NXPE2: variants seen among roughly 807,000 people sequenced by gnomAD.
NXPE2 encodes the protein neurexophilin and PC-esterase domain family member 2, also known as NXPE family member 2.
A neutral mutation model predicts 34.4 loss-of-function variants in NXPE2; 34 were observed. The ratio of observed to expected loss-of-function variants is 0.99; its 90% CI spans 0.75 to 1.31. The LOEUF is 1.31. NXPE2 is among the 40% of genes most tolerant of loss of function. The pLI, the probability that NXPE2 is intolerant of heterozygous loss-of-function variation, is 0.00. For missense variants in NXPE2, 649 were observed against 672.5 expected (o/e 0.97, Z 0.39); for synonymous variants, 235 against 231.3 (o/e 1.02, Z -0.15).
the NXPE2 span, among the ~76,000 whole-genome samples, chr11:114,745,146 G>T: frequency 1.3e-5 from 2 of 152,228 alleles, no homozygotes; most frequent in East Asian, 1.9e-4. Context: ...TAAGCTTTAA[G>T]ATCTGTCTTA....
At chr11:114,742,408 A>G in the NXPE2 span, among the ~76,000 whole-genome samples, 5 of 152,068 alleles carry the variant, frequency 3.3e-5, no homozygotes, top group Non-Finnish European at 7.4e-5. Context: ...CACAGATCAC[A>G]TCAGTATGTT....
chr11:114,464,969 A>G, the NXPE2 span, among the ~76,000 whole-genome samples: 1 of 152,210 alleles, frequency 6.6e-6, no homozygotes, highest in Non-Finnish European at 1.5e-5. Flanking sequence ...ATTATTAATC[A>G]GGAAATTCAT....
rs1322614073 is a variant in NXPE2 at position 114,698,113 on chromosome 11, T to G, written c.201T>G (p.Ser67=). 1 of 1,612,918 alleles carries G rather than the reference T, an allele frequency of 6.2e-7. No homozygotes were observed. The highest frequency in any genetic ancestry group is 1.3e-5 in the African/African-American group (1 of 74,908). Residue 67 remains serine, a synonymous_variant, in exon 3 of 6, where the codon TCT becomes TCG. Coordinates refer to ENST00000389586, the MANE Select transcript of NXPE2 (RefSeq NM_182495.6). The stretch of plus-strand genomic sequence containing the variant: ...ACATCTTCAAAAAATATTCACACTC[T>G]GAAACACCACTGTGTCCAGCAGTTT... ...QGNIFKKYSH[S]ETPLCPAVSP...
chr11:114,707,175 T>A (rs145857857), downstream of NXPE2, among the ~76,000 whole-genome samples: 5 of 152,314 alleles, frequency 3.3e-5, no homozygotes, highest in East Asian at 7.7e-4. Context: ...TACTGCAACC[T>A]CCACCTCCAA....
chr11:114,739,376 CTCA>C, the NXPE2 span, among the ~76,000 whole-genome samples: 20 of 41,816 alleles, frequency 4.8e-4, no homozygotes, highest in African/African-American at 1.3e-3. Flanking sequence ...CCCTCCCTCA[CTCA>C]CTCCTTCCCT....
the NXPE2 span, among the ~76,000 whole-genome samples, chr11:114,757,314 A>G: frequency 6.7e-6 from 1 of 148,344 alleles, no homozygotes; most frequent in African/African-American, 2.5e-5. Context: ...CCATCCTTTC[A>G]TACTTACCAC....
chr11:114,688,377 G>A (rs1406025664), intron 2 of NXPE2, among the ~76,000 whole-genome samples: 1 of 151,900 alleles, frequency 6.6e-6, no homozygotes, highest in Non-Finnish European at 1.5e-5. Context: ...TGTTTATGTG[G>A]TGAATCACAT....
At chr11:114,725,967 TAAAAAA>T in the NXPE2 span, among the ~76,000 whole-genome samples, 4 of 77,038 alleles carry the variant, frequency 5.2e-5, no homozygotes, top group African/African-American at 1.6e-4. Context: ...TAAAGTATAA[TAAAAAA>T]AAAATATATA....
At chr11:114,552,453 C>T in the NXPE2 span, among the ~76,000 whole-genome samples, 11 of 151,962 alleles carry the variant, frequency 7.2e-5, no homozygotes, top group Non-Finnish European at 1.6e-4. Flanking sequence ...TAGCATGGTG[C>T]CTGACAAGCA....
At chr11:114,689,585 G>A (rs535121833) in intron 2 of NXPE2, among the ~76,000 whole-genome samples, 10 of 152,192 alleles carry the variant, frequency 6.6e-5, no homozygotes, top group African/African-American at 2.4e-4. Flanking sequence ...GTACTTTGTA[G>A]ATGTCTATGG....
At chr11:114,706,100 T>TTTTAA (rs1951468173) in intron 5 of NXPE2, 104 bp downstream of exon 5, 4 of 452,368 alleles carry the variant, frequency 8.8e-6, no homozygotes, top group Non-Finnish European at 1.4e-5. Flanking sequence ...TTTTATTTTA[T>TTTTAA]TTTATTTTAT....
the NXPE2 span, among the ~76,000 whole-genome samples, chr11:114,657,315 G>C: frequency 6.6e-6 from 1 of 152,102 alleles, no homozygotes; most frequent in Admixed American, 6.6e-5. Flanking sequence ...ATAGAATTTA[G>C]AGGAGTCTGT....
the NXPE2 span, chr11:114,583,265 C>A: frequency 1.8e-5 from 12 of 654,580 alleles, no homozygotes; most frequent in African/African-American, 9.1e-5. Flanking sequence ...GGCGCAAAGG[C>A]AGGGCACCAG....
the NXPE2 span, among the ~76,000 whole-genome samples, chr11:114,731,289 T>C: frequency 6.6e-6 from 1 of 152,276 alleles, no homozygotes; most frequent in Non-Finnish European, 1.5e-5. Flanking sequence ...AATATAAAAA[T>C]GTATGTTCTG....
the NXPE2 span, among the ~76,000 whole-genome samples, chr11:114,640,693 T>C: frequency 6.6e-6 from 1 of 152,054 alleles, no homozygotes; most frequent in South Asian, 2.1e-4. Flanking sequence ...TAATTTCCAT[T>C]TCCCTGATGA....
chr11:114,552,824 C>T, the NXPE2 span: 11 of 933,242 alleles, frequency 1.2e-5, no homozygotes, highest in African/African-American at 1.8e-5. Flanking sequence ...GATCTTTAAA[C>T]TTATTCTGTA....
chr11:114,538,262 T>C, the NXPE2 span, among the ~76,000 whole-genome samples: 2 of 152,320 alleles, frequency 1.3e-5, no homozygotes, highest in Non-Finnish European at 2.9e-5. Context: ...TCCTTACACC[T>C]TATACAAAAA....
At chr11:114,632,891 AATT>A in the NXPE2 span, among the ~76,000 whole-genome samples, 1 of 64,026 alleles carries the variant, frequency 1.6e-5, no homozygotes, top group Non-Finnish European at 2.7e-5. Context: ...TATATTATAT[AATT>A]TTATGTAATA....
At chr11:114,510,646 G>A in the NXPE2 span, among the ~76,000 whole-genome samples, 151 of 152,286 alleles carry the variant, frequency 9.9e-4, no homozygotes, top group East Asian at 2.3e-3. Flanking sequence ...TGGTTAGAAA[G>A]CAATCATTGC....
Sources: gnomAD v4.1 joint callset for allele counts (sites outside exome capture counted in the v4.1 genomes callset) on GRCh38, gnomAD v4.1.1 for gene constraint, MANE v1.5 for transcripts, NCBI Gene and HGNC (gene_info 2026-07-23, HGNC 2026-07-21) for gene names.